BLK: variants seen among roughly 807,000 people sequenced by gnomAD.
BLK encodes tyrosine-protein kinase Blk.
Under a neutral mutation model 61.8 loss-of-function variants are expected in BLK, and 64 were observed. The ratio of observed to expected loss-of-function variants is 1.03; its 90% CI spans 0.85 to 1.27. The LOEUF is 1.27. Ranked by LOEUF, BLK falls within the 50% of genes most tolerant of loss-of-function variation. The pLI is 0.00. For missense variants in BLK, 853 were observed against 660.5 expected, an observed-to-expected ratio of 1.29 and a Z score of -3.19; for synonymous variants, 351 against 272.0, an observed-to-expected ratio of 1.29 and a Z score of -2.86.
chr8:11,515,783 G>T (rs986902233), intron 1 of BLK, among the ~76,000 whole-genome samples: 1 of 152,228 alleles, frequency 6.6e-6, no homozygotes, highest in Non-Finnish European at 1.5e-5. Context: ...GCTTCCTGCA[G>T]TCTGTGTTCT....
intron 10 of BLK, chr8:11,558,371 C>T (rs1801329893): frequency 2.6e-6 from 1 of 384,372 alleles, no homozygotes; most frequent in Non-Finnish European, 5.0e-6. Context: ...GCAAGAGTTC[C>T]ATTGAACCCG....
intron 1 of BLK, among the ~76,000 whole-genome samples, chr8:11,513,497 C>G (rs1009115029): frequency 6.6e-6 from 1 of 152,328 alleles, no homozygotes; most frequent in Admixed American, 6.5e-5. Context: ...GTGAGCAGAG[C>G]CCAGGCTGTC....
At chr8:11,521,292 T>C (rs544830200) in intron 1 of BLK, among the ~76,000 whole-genome samples, 2 of 152,316 alleles carry the variant, frequency 1.3e-5, no homozygotes, top group African/African-American at 4.8e-5. Context: ...GATTTACAAT[T>C]AATAAAATTT....
At position 11,504,965 on chromosome 8, in the gene BLK, G is replaced by C. The variant is rs7018073; in HGVS notation, c.-2+10374G>C. ...ACACACATGCACAGAGACACGTACA[G>C]ACACATACATGCACACAGACACATA... On this transcript the variant is annotated intron_variant, in intron 1 of 12. Transcript: ENST00000259089. Among the ~76,000 whole-genome samples, 666 of 152,166 alleles carry C rather than the reference G, an allele frequency of 4.4e-3. 4 individuals carry two copies. Among genetic ancestry groups the C allele is most frequent in the African/African-American group, 0.016 (652 of 41,492 alleles).
chr8:11,561,067 G>A (rs764484028), intron 10 of BLK: 11 of 685,390 alleles, frequency 1.6e-5, no homozygotes, highest in Non-Finnish European at 1.9e-5. Context: ...GAACGAGGAG[G>A]GGGAGGGGCA....
chr8:11,547,939 G>A (rs1176075849), intron 3 of BLK, 93 bp from the exon 4 acceptor site: 13 of 1,081,238 alleles, frequency 1.2e-5, no homozygotes, highest in Non-Finnish European at 1.9e-5. Flanking sequence ...TGGGCAAGCA[G>A]AAGCCTGTCC....
At chr8:11,504,925 C>T (rs557209439) in intron 1 of BLK, among the ~76,000 whole-genome samples, 1 of 152,300 alleles carries the variant, frequency 6.6e-6, no homozygotes, top group Admixed American at 6.5e-5. Flanking sequence ...GGATACAGAG[C>T]ATATGTACAC....
chr8:11,523,354 G>C (rs1799528811), intron 1 of BLK, among the ~76,000 whole-genome samples: 1 of 152,118 alleles, frequency 6.6e-6, no homozygotes, highest in Non-Finnish European at 1.5e-5. Flanking sequence ...AGGTGTTTGA[G>C]TACAGCATGG....
chr8:11,555,119 G>C (rs1801136330), intron 7 of BLK, among the ~76,000 whole-genome samples: 1 of 152,202 alleles, frequency 6.6e-6, no homozygotes, highest in Non-Finnish European at 1.5e-5. Context: ...TTCAGTCTTA[G>C]AGTGAGCAGG....
At chr8:11,500,390 T>A (rs1247583943) in intron 1 of BLK, among the ~76,000 whole-genome samples, 1 of 149,216 alleles carries the variant, frequency 6.7e-6, no homozygotes, top group African/African-American at 2.5e-5. Context: ...GAGACAGGGT[T>A]TCATCATGTT....
intron 1 of BLK, among the ~76,000 whole-genome samples, chr8:11,542,168 A>C (rs1800405867): frequency 6.6e-6 from 1 of 152,230 alleles, no homozygotes. Flanking sequence ...ACTGATAGGA[A>C]GGCTAGCATT....
chr8:11,535,269 A>AAAGG (rs1384754745), intron 1 of BLK, among the ~76,000 whole-genome samples: 5 of 111,016 alleles, frequency 4.5e-5, no homozygotes, highest in African/African-American at 1.3e-4. Context: ...AAGAAGAAAG[A>AAAGG]AAGAAAGAAA....
chr8:11,540,402 A>G (rs1487453951), intron 1 of BLK, among the ~76,000 whole-genome samples: 1 of 152,130 alleles, frequency 6.6e-6, no homozygotes, highest in South Asian at 2.1e-4. Context: ...TACTTTTATT[A>G]TTCCAATTTC....
chr8:11,499,882 C>T (rs1464227387), intron 1 of BLK, among the ~76,000 whole-genome samples: 1 of 152,094 alleles, frequency 6.6e-6, no homozygotes, highest in Non-Finnish European at 1.5e-5. Flanking sequence ...CTAACTTACC[C>T]TTTGGTCTAA....
intron 11 of BLK, among the ~76,000 whole-genome samples, chr8:11,562,744 G>A (rs367986214): frequency 6.5e-4 from 99 of 152,366 alleles, no homozygotes; most frequent in African/African-American, 2.2e-3. Flanking sequence ...GTGGGTGACT[G>A]TGTGGTATTG....
intron 6 of BLK, chr8:11,554,083 A>G (rs920533608): frequency 1.3e-5 from 2 of 155,564 alleles, no homozygotes; most frequent in Non-Finnish European, 2.8e-5. Context: ...GTAGCTGGAC[A>G]GACGCATTTT....
intron 1 of BLK, among the ~76,000 whole-genome samples, chr8:11,522,357 A>G (rs1200041681): frequency 6.6e-6 from 1 of 152,242 alleles, no homozygotes; most frequent in African/African-American, 2.4e-5. Context: ...ATGTTTGACA[A>G]TACGAGTTTT....
rs1800795984 is a variant in BLK, at chr8:11,549,223, G to C, written c.368+101G>C. On this transcript the variant is annotated intron_variant, in intron 5 of 12. Coordinates refer to ENST00000259089, the MANE Select transcript of BLK (RefSeq NM_001715.3). ...GGGCCAGAGTGGGACTGACCAGGGA[G>C]CCTGCAGGCACTAGCAAAGAGGGGA... 9 of 1,070,098 alleles carry C rather than the reference G, an allele frequency of 8.4e-6. No homozygotes were observed. The South Asian group carries it at 1.2e-4, about 14-fold the overall frequency. 66.3% of individuals were successfully genotyped at this position (1,070,098 alleles called of 1,614,324 possible).
intron 2 of BLK, among the ~76,000 whole-genome samples, chr8:11,544,037 A>C (rs897008784): frequency 6.6e-6 from 1 of 150,590 alleles, no homozygotes; most frequent in Non-Finnish European, 1.5e-5. Flanking sequence ...ACCTTGGCTC[A>C]CTGCAACCTC....
Sources: allele counts gnomAD v4.1 joint callset (sites outside exome capture counted in the v4.1 genomes callset), GRCh38; gene constraint gnomAD v4.1.1; transcripts MANE v1.5; gene names NCBI Gene and HGNC (gene_info 2026-07-23, HGNC 2026-07-21).